The following VPS13B variants were observed in gnomAD, a reference collection of about 807,000 sequenced individuals.
The protein encoded by VPS13B is intermembrane lipid transfer protein VPS13B.
A neutral mutation model predicts 426.4 loss-of-function variants in VPS13B; 285 were observed. That is an observed-to-expected ratio of 0.67 (90% CI 0.61 to 0.74). The LOEUF (loss-of-function observed/expected upper bound fraction) is 0.74. VPS13B is among the 30% of genes least tolerant of loss of function. The pLI is 0.00. For missense variants in VPS13B, 4,537 were observed against 4,782.6 expected, an observed-to-expected ratio of 0.95 and a Z score of 1.51; for synonymous variants, 1,676 against 1,676.4, an observed-to-expected ratio of 1.00 and a Z score of 0.01.
intron 19 of VPS13B, among the ~76,000 whole-genome samples, chr8:99,361,950 A>T (rs1812585397): frequency 6.6e-6 from 1 of 152,132 alleles, no homozygotes; most frequent in African/African-American, 2.4e-5. Flanking sequence ...CATTTAAGAA[A>T]TCTGCAGTGA....
chr8:99,300,814 A>G (rs1415146416), intron 19 of VPS13B, among the ~76,000 whole-genome samples: 5 of 151,892 alleles, frequency 3.3e-5, no homozygotes, highest in Non-Finnish European at 1.5e-5. Context: ...ACTGTGAAAT[A>G]GGAATATTAA....
intron 35 of VPS13B, among the ~76,000 whole-genome samples, chr8:99,684,251 C>T (rs1831278788): frequency 6.6e-6 from 1 of 152,064 alleles, no homozygotes; most frequent in Non-Finnish European, 1.5e-5. Context: ...GAGGAATATC[C>T]ATGTATATTG....
At chr8:99,579,596 C>T (rs961889343) in intron 33 of VPS13B, among the ~76,000 whole-genome samples, 7 of 151,802 alleles carry the variant, frequency 4.6e-5, no homozygotes, top group Admixed American at 3.9e-4. Context: ...GACGGGGTTT[C>T]ACCATGTTGG....
chr8:99,848,237 A>C (rs968159108), intron 54 of VPS13B, among the ~76,000 whole-genome samples: 2 of 152,208 alleles, frequency 1.3e-5, no homozygotes, highest in African/African-American at 2.4e-5. Flanking sequence ...GAGCAAATTA[A>C]CTTATATCTA....
intron 33 of VPS13B, among the ~76,000 whole-genome samples, chr8:99,596,215 A>G (rs987338792): frequency 1.3e-5 from 2 of 151,834 alleles, no homozygotes; most frequent in Admixed American, 6.6e-5. Flanking sequence ...AACAGAAACT[A>G]TCATGTTTTG....
At chr8:99,492,274 C>T (rs1820644609) in intron 25 of VPS13B, among the ~76,000 whole-genome samples, 1 of 152,206 alleles carries the variant, frequency 6.6e-6, no homozygotes, top group Non-Finnish European at 1.5e-5. Context: ...TATGAGGTGT[C>T]TGTCGGCCCC....
chr8:99,734,646 T>C (rs1404513189), intron 39 of VPS13B, among the ~76,000 whole-genome samples: 3 of 152,202 alleles, frequency 2.0e-5, no homozygotes, highest in Non-Finnish European at 4.4e-5. Context: ...ATTAAGGCTA[T>C]TGAGCTGAGC....
Position 99,192,962 on chromosome 8 carries a change from T to C in VPS13B, c.2420T>C (p.Leu807Pro). The C allele has an allele frequency of 6.2e-7, 1 of 1,613,772 alleles. No homozygotes were observed. Among genetic ancestry groups the C allele is most frequent in the Non-Finnish European group, 8.5e-7 (1 of 1,179,824 alleles). ...TIQATRAQTL[L>P]LQAIYQSWSH... ...CAAGCTACAAGAGCACAGACACTTC[T>C]CTTGCAAGCAATATATCAAAGTTGG... The change falls in exon 17 of 62, where the codon CTC (leucine) becomes CCC (proline). Residue 807 changes from leucine (L) to proline (P), a missense_variant. By Grantham distance (98) the Leu-to-Pro change is moderately conservative. Around this residue, in one of 2 missense-constraint regions of VPS13B, gnomAD observed 4,311 missense variants for 4,474.3 expected, o/e 0.96. Transcript: ENST00000357162.
chr8:99,035,908 C>T (rs751111112), intron 2 of VPS13B, among the ~76,000 whole-genome samples: 4 of 152,028 alleles, frequency 2.6e-5, no homozygotes, highest in African/African-American at 9.7e-5. Flanking sequence ...AGTAGTTATG[C>T]TGAGCTTCTT....
chr8:99,537,833 G>A (rs1823340005), intron 30 of VPS13B, among the ~76,000 whole-genome samples: 1 of 152,112 alleles, frequency 6.6e-6, no homozygotes, highest in African/African-American at 2.4e-5. Context: ...TGTGGTCCAG[G>A]TCATTAAAGT....
intron 19 of VPS13B, among the ~76,000 whole-genome samples, chr8:99,303,373 C>A (rs1820473218): frequency 6.6e-6 from 1 of 151,210 alleles, no homozygotes; most frequent in African/African-American, 2.4e-5. Flanking sequence ...GGTGCAGATT[C>A]CCCTTGATTC....
chr8:99,501,577 A>G, intron 25 of VPS13B, 110 bp from the exon 26 acceptor site: 4 of 1,066,036 alleles, frequency 3.8e-6, no homozygotes, highest in Non-Finnish European at 5.5e-6. Flanking sequence ...ATTTGCATGT[A>G]AGATGTGAAA....
intron 19 of VPS13B, among the ~76,000 whole-genome samples, chr8:99,311,528 TG>T (rs1292333657): frequency 9.2e-5 from 14 of 152,242 alleles, no homozygotes; most frequent in African/African-American, 3.4e-4. Context: ...CACTTTGGTC[TG>T]AGAGACAGTT....
In VPS13B at chr8:99,784,459, T is replaced by C; in HGVS notation, c.7924T>C (p.Ser2642Pro). The part of the protein sequence containing the change: ...SLHSHQYSWR[S>P]HKSPQLLHIC... ...CCACAGTCACCAGTACAGCTGGCGC[T>C]CTCACAAATCCCCACAGGTATTTGA... is the stretch of plus-strand genomic sequence containing the variant. The change falls in exon 43 of 62, where the codon TCT becomes CCT. Residue 2642 changes from serine to proline, a missense_variant. Around this residue, in one of 2 missense-constraint regions of VPS13B, gnomAD observed 4,311 missense variants for 4,474.3 expected, o/e 0.96. Transcript: ENST00000357162. 6.2e-7 allele frequency: 1 copy of C among 1,613,682 alleles called. No homozygotes were observed. Among genetic ancestry groups the C allele is most frequent in the Non-Finnish European group, 8.5e-7 (1 of 1,179,670 alleles).
intron 23 of VPS13B, 21 bp from the exon 24 acceptor site, chr8:99,467,393 C>T (rs1819165960): frequency 6.2e-7 from 1 of 1,606,866 alleles, no homozygotes; most frequent in African/African-American, 1.3e-5. Flanking sequence ...CTTCCCTATT[C>T]CCTTTTATCC....
At chr8:99,500,010 T>A (rs192643970) in intron 25 of VPS13B, among the ~76,000 whole-genome samples, 2 of 152,268 alleles carry the variant, frequency 1.3e-5, no homozygotes, top group East Asian at 1.9e-4. Context: ...GAGCTGAATA[T>A]ACCTGTGTTT....
intron 17 of VPS13B, among the ~76,000 whole-genome samples, chr8:99,200,540 A>C (rs1588135350): frequency 6.6e-6 from 1 of 152,160 alleles, no homozygotes; most frequent in East Asian, 1.9e-4. Context: ...TGATGGTTCT[A>C]ATCTCTCCAC....
chr8:99,229,773 A>G (rs1180524912), intron 17 of VPS13B, among the ~76,000 whole-genome samples: 1 of 152,206 alleles, frequency 6.6e-6, no homozygotes, highest in African/African-American at 2.4e-5. Flanking sequence ...CATACTCTAA[A>G]GCCTTGCAAG....
chr8:99,820,201 T>A, intron 49 of VPS13B, 79 bp downstream of exon 49: 1 of 1,370,994 alleles, frequency 7.3e-7, no homozygotes, highest in Non-Finnish European at 1.0e-6. Context: ...TTTATGATCT[T>A]AACAGAATGA....
Sources: gnomAD v4.1 joint callset for allele counts (sites outside exome capture counted in the v4.1 genomes callset) on GRCh38, gnomAD v4.1.1 for gene constraint, gnomAD v4.1.1 regional missense constraint, MANE v1.5 for transcripts, NCBI Gene and HGNC (gene_info 2026-07-23, HGNC 2026-07-21) for gene names.